Variants in ZMYM4 observed in about 807,000 individuals in gnomAD.
The protein encoded by ZMYM4 is zinc finger MYM-type protein 4.
A neutral mutation model predicts 183.2 loss-of-function variants in ZMYM4; 31 were observed. That is an observed-to-expected ratio of 0.17 (90% CI 0.13 to 0.23). ZMYM4 has a LOEUF of 0.23. Among genes scored for constraint, ZMYM4 ranks in the 10% least tolerant of loss-of-function variants. The pLI, the probability that ZMYM4 is intolerant of heterozygous loss-of-function variation, is 1.00. For missense variants in ZMYM4, 1,273 were observed against 1,840.3 expected, an observed-to-expected ratio of 0.69 and a Z score of 5.64; for synonymous variants, 592 against 631.2, an observed-to-expected ratio of 0.94 and a Z score of 0.93.
Position 35,325,366 on chromosome 1 carries a change from C to T in ZMYM4, c.46C>T (p.Gln16Ter). Residue 16 changes from glutamine (Q) to a stop codon, truncating the protein, a stop_gained, in exon 2 of 30, where the codon CAA becomes TAA. Coordinates refer to ENST00000314607, the MANE Select transcript of ZMYM4 (RefSeq NM_005095.3). LOFTEE classifies it high-confidence loss of function. ...TCCTTTTTTGCTTTTCCAGTTTGAA[C>T]AAAAAAGTGGTGCAGTTTTTGATGA... The part of the protein sequence containing the change: ...VESGPRKRFE[Q>*]KSGAVFDEIV... 1.3e-6 allele frequency: 2 copies of T among 1,599,874 alleles called. No individual in the cohort carries two copies. Among genetic ancestry groups the T allele is most frequent in the Non-Finnish European group, 8.5e-7 (1 of 1,172,548 alleles).
At chr1:35,344,781 C>T (rs959893640) in intron 2 of ZMYM4, among the ~76,000 whole-genome samples, 2 of 152,162 alleles carry the variant, frequency 1.3e-5, no homozygotes, top group Non-Finnish European at 2.9e-5. Flanking sequence ...GTGAAAGATA[C>T]TGGCATGTAT....
intron 1 of ZMYM4, among the ~76,000 whole-genome samples, chr1:35,300,673 C>T (rs1353970258): frequency 1.3e-5 from 2 of 152,054 alleles, no homozygotes; most frequent in Admixed American, 1.3e-4. Flanking sequence ...GTATAATTTT[C>T]TGTTAGTTCC....
intron 23 of ZMYM4, among the ~76,000 whole-genome samples, chr1:35,401,500 C>A (rs1644908007): frequency 6.6e-6 from 1 of 152,040 alleles, no homozygotes; most frequent in South Asian, 2.1e-4. Flanking sequence ...TGTTATCTTG[C>A]TGAGTTGTAA....
chr1:35,285,848 C>G (rs974719885), intron 1 of ZMYM4, among the ~76,000 whole-genome samples: 2 of 152,132 alleles, frequency 1.3e-5, no homozygotes, highest in African/African-American at 4.8e-5. Flanking sequence ...AACATCCTTT[C>G]CTTTGTAAAA....
At chr1:35,394,162 C>CTTTTTTTTTTTTTTTTTTTTTTTTTT (rs34277367) in intron 18 of ZMYM4, among the ~76,000 whole-genome samples, 3 of 68,394 alleles carry the variant, frequency 4.4e-5, no homozygotes, top group South Asian at 5.9e-4. Context: ...TCAGAGCTTT[C>CTTTTTTTTTTTTTTTTTTTTTTTTTT]TTTTTTTTTT....
chr1:35,358,982 C>G lies in ZMYM4; in HGVS notation c.143C>G (p.Thr48Ser). The G allele has an allele frequency of 6.2e-7, 1 of 1,613,662 alleles. No individual in the cohort carries two copies. Among genetic ancestry groups the G allele is most frequent in the South Asian group, 1.1e-5 (1 of 91,070 alleles). Residue 48 changes from threonine to serine, a missense_variant, in exon 3 of 30, where the codon ACC (threonine) becomes AGC (serine). By Grantham distance (58) the Thr-to-Ser change is moderately conservative. Around this residue, in one of 6 missense-constraint regions of ZMYM4, gnomAD observed 384 missense variants for 465.6 expected, o/e 0.82. Transcript: ENST00000314607. ...GATATAGACCACAACTTAACTCCTACCCTTGACAGCATGTCTTATGGAATG... is the reference window on the plus strand; with the variant it reads ...GATATAGACCACAACTTAACTCCTAGCCTTGACAGCATGTCTTATGGAATG... ...SEDIDHNLTP[T>S]LDSMSYGMPN...
chr1:35,359,428 A>C lies in ZMYM4; in HGVS notation c.589A>C (p.Ser197Arg), dbSNP rs767359362. The C allele has an allele frequency of 3.1e-5, 48 of 1,562,928 alleles. No homozygotes were observed. The highest frequency in any genetic ancestry group is 4.0e-5 in the Non-Finnish European group (47 of 1,162,824). Residue 197 changes from serine (S) to arginine (R), a missense_variant, in exon 3 of 30, where the codon AGT (serine) becomes CGT (arginine). Physicochemically the swap from Ser to Arg is moderately radical, Grantham distance 110 (BLOSUM62 -1). This residue lies in a region of ZMYM4 where 384 missense variants were observed against 465.6 expected (regional missense o/e 0.82). Coordinates refer to ENST00000314607, the MANE Select transcript of ZMYM4 (RefSeq NM_005095.3). The stretch of plus-strand genomic sequence containing the variant: ...AGATTTGGATTCAAGGTTGAAAAGC[A>C]GTTTTTTTGATAAAGCAGGTAATAA... ...HKDLDSRLKS[S>R]FFDKAANQVE...
intron 3 of ZMYM4, among the ~76,000 whole-genome samples, chr1:35,359,947 T>C (rs1643900527): frequency 6.6e-6 from 1 of 152,014 alleles, no homozygotes; most frequent in Non-Finnish European, 1.5e-5. Context: ...TTTAGAAGTT[T>C]CTTGAGGTTC....
Position 35,337,271 on chromosome 1 carries a change from G to A in ZMYM4, c.85+11866G>A, listed in dbSNP as rs377611482. ...CAGCTACTTGGGAAACTGAGGCAGGGGAATCGCTTGAACCTGGGAGATGGA... is the reference window on the plus strand; with the variant it reads ...CAGCTACTTGGGAAACTGAGGCAGGAGAATCGCTTGAACCTGGGAGATGGA... On this transcript the variant is annotated intron_variant, in intron 2 of 29. Coordinates refer to ENST00000314607, the MANE Select transcript of ZMYM4 (RefSeq NM_005095.3). Among the ~76,000 whole-genome samples the A allele has an allele frequency of 6.6e-5, 10 of 152,064 alleles. No homozygotes were observed. In the East Asian group the frequency reaches 9.7e-4, roughly 15 times the overall value.
intron 1 of ZMYM4, among the ~76,000 whole-genome samples, chr1:35,323,511 G>A (rs1268712695): frequency 4.6e-5 from 7 of 152,010 alleles, no homozygotes; most frequent in Non-Finnish European, 5.9e-5. Flanking sequence ...GGCTTACAGA[G>A]TGACATTTTT....
intron 22 of ZMYM4, 29 bp from the exon 23 acceptor site, chr1:35,399,453 C>T: frequency 6.3e-7 from 1 of 1,594,940 alleles, no homozygotes; most frequent in East Asian, 2.2e-5. Flanking sequence ...TTATTTACCT[C>T]ATGTTGTCCT....
intron 2 of ZMYM4, among the ~76,000 whole-genome samples, chr1:35,348,362 G>T (rs545983533): frequency 1.3e-5 from 2 of 152,150 alleles, no homozygotes; most frequent in Non-Finnish European, 2.9e-5. Flanking sequence ...ACATATACAT[G>T]TGTATTTCTG....
intron 7 of ZMYM4, among the ~76,000 whole-genome samples, chr1:35,379,347 C>T (rs1407337697): frequency 6.6e-6 from 1 of 152,240 alleles, no homozygotes; most frequent in Non-Finnish European, 1.5e-5. Context: ...GACCCACCCA[C>T]CTCGACCTCC....
chr1:35,354,882 G>A (rs1643759584), intron 2 of ZMYM4, among the ~76,000 whole-genome samples: 1 of 151,858 alleles, frequency 6.6e-6, no homozygotes, highest in Non-Finnish European at 1.5e-5. Context: ...GTTGGCAAAT[G>A]TTTTTCTGTT....
At chr1:35,269,995 C>CAA (rs1266905992) in intron 1 of ZMYM4, among the ~76,000 whole-genome samples, 5 of 152,094 alleles carry the variant, frequency 3.3e-5, no homozygotes, top group Non-Finnish European at 7.4e-5. Context: ...AGCAAAAGGG[C>CAA]AAAAAATTAC....
intron 28 of ZMYM4, among the ~76,000 whole-genome samples, chr1:35,416,475 A>G (rs1640117283): frequency 1.3e-5 from 2 of 152,192 alleles, no homozygotes; most frequent in African/African-American, 2.4e-5. Context: ...TTCATTTACT[A>G]AGATTATCTT....
chr1:35,333,618 A>G (rs927452002), intron 2 of ZMYM4, among the ~76,000 whole-genome samples: 28 of 151,992 alleles, frequency 1.8e-4, no homozygotes, highest in Admixed American at 1.8e-3. Flanking sequence ...TCACCTTCCC[A>G]TATCATTGTT....
intron 1 of ZMYM4, among the ~76,000 whole-genome samples, chr1:35,274,483 A>G (rs897954636): frequency 2.0e-5 from 3 of 151,980 alleles, no homozygotes; most frequent in South Asian, 4.2e-4. Flanking sequence ...AGCCTCGTCT[A>G]CTCATGAGGC....
chr1:35,298,466 A>T (rs1391691908), intron 1 of ZMYM4, among the ~76,000 whole-genome samples: 1 of 152,176 alleles, frequency 6.6e-6, no homozygotes, highest in East Asian at 1.9e-4. Context: ...ATAGGCTGGG[A>T]CACTGGCAAA....
Sources: allele counts gnomAD v4.1 joint callset (sites outside exome capture counted in the v4.1 genomes callset), GRCh38; gene constraint gnomAD v4.1.1; regional missense constraint gnomAD v4.1.1; transcripts MANE v1.5; gene names NCBI Gene and HGNC (gene_info 2026-07-23, HGNC 2026-07-21).